EIF3F: variants seen among roughly 807,000 people sequenced by gnomAD.
EIF3F encodes the protein deubiquitinating enzyme eIF3f.
Under a neutral mutation model 36.0 loss-of-function variants are expected in EIF3F, and 8 were observed. The observed-to-expected ratio is 0.22, with a 90% CI of 0.13 to 0.40. The LOEUF is 0.40. Ranked by LOEUF, EIF3F falls within the 10% of genes least tolerant of loss-of-function variation. The pLI, the probability that EIF3F is intolerant of heterozygous loss-of-function variation, is 1.00. For synonymous variants in EIF3F, 184 were observed against 188.5 expected (o/e 0.98, Z 0.19); for missense variants, 430 against 467.6 (o/e 0.92, Z 0.74).
intron 6 of EIF3F, 46 bp from the exon 7 acceptor site, chr11:7,995,208 G>C: frequency 6.2e-7 from 1 of 1,606,848 alleles, no homozygotes; most frequent in Non-Finnish European, 8.5e-7. Flanking sequence ...GTAGGGCTCA[G>C]TGGTTATAAT....
In EIF3F at chr11:7,987,363, C is replaced by A. The variant is rs767716913; in HGVS notation, c.11C>A (p.Pro4Gln). The change falls in exon 1 of 8, where the codon CCG (proline) becomes CAG (glutamine). Residue 4 changes from proline (P) to glutamine (Q), a missense_variant. This residue lies in a region of EIF3F where 168 missense variants were observed against 120.2 expected (regional missense o/e 1.40). Coordinates refer to ENST00000651655, the MANE Select transcript of EIF3F (RefSeq NM_003754.3). Reference protein sequence around the residue: MATPAVPVSAPPAT... With the variant: MATQAVPVSAPPAT... Reference sequence around the variant, plus strand: ...TTCTTTCTCGACAAGATGGCCACACCGGCGGTACCAGTAAGTGCTCCTCCG... The same window carrying A: ...TTCTTTCTCGACAAGATGGCCACACAGGCGGTACCAGTAAGTGCTCCTCCG... 1.3e-6 allele frequency: 2 copies of A among 1,593,474 alleles called. No individual in the cohort carries two copies. Among genetic ancestry groups the A allele is most frequent in the Non-Finnish European group, 1.7e-6 (2 of 1,176,358 alleles).
rs1942108696 is a variant in EIF3F, at chr11:7,992,471, C to G, written c.515+308C>G. 5 of 439,062 alleles carry G rather than the reference C, an allele frequency of 1.1e-5. No individual in the cohort carries two copies. The South Asian group carries it at 1.2e-4, about 11-fold the overall frequency. The allele number at this position is 439,062 out of a possible 1,614,324, so 27.2% of individuals were successfully genotyped here. On this transcript the variant is annotated intron_variant, in intron 3 of 7. Transcript: ENST00000651655. ...CCTATAGTCCTAGCTATTCAGGAGG[C>G]TGAGGCTAGAGGATCACTTGAGGCC... is the stretch of plus-strand genomic sequence containing the variant.
intron 1 of EIF3F, among the ~76,000 whole-genome samples, chr11:7,991,160 A>G (rs374831397): frequency 4.6e-5 from 7 of 151,898 alleles, no homozygotes; most frequent in African/African-American, 1.7e-4. Context: ...GCACCACTGC[A>G]CTCTAGCCTG....
rs1316885950 is a variant in EIF3F at position 7,997,525 on chromosome 11, C to T, written c.*1503C>T. ...ACAAGTCCAAATAGATCAGTAATTACAATAAATGTATAAGTATTAAACTAG... is the reference window on the plus strand; with the variant it reads ...ACAAGTCCAAATAGATCAGTAATTATAATAAATGTATAAGTATTAAACTAG... On this transcript the variant is annotated 3_prime_UTR_variant, in exon 8 of 8. Coordinates refer to ENST00000651655, the MANE Select transcript of EIF3F (RefSeq NM_003754.3). 2 of 152,176 alleles carry T rather than the reference C, an allele frequency of 1.3e-5. No homozygotes were observed. Among genetic ancestry groups the T allele is most frequent in the South Asian group, 2.1e-4 (1 of 4,824 alleles). 9.4% of individuals were successfully genotyped at this position (152,176 alleles called of 1,614,324 possible).
At chr11:7,993,319 CATCACATG>C (rs1942119613) in intron 4 of EIF3F, among the ~76,000 whole-genome samples, 1 of 152,210 alleles carries the variant, frequency 6.6e-6, no homozygotes, top group African/African-American at 2.4e-5. Context: ...TACAGCCAAT[CATCACATG>C]GTATTCTTGT....
chr11:8,000,381 G>T lies in EIF3F; in HGVS notation c.*4359G>T, dbSNP rs61879579. 0.07 allele frequency: 10,623 copies of T among 152,086 alleles called. 436 individuals carry two copies. The highest frequency in any genetic ancestry group is 0.14 in the Middle Eastern group (40 of 294). 9.4% of individuals were successfully genotyped at this position (152,086 alleles called of 1,614,324 possible). The stretch of plus-strand genomic sequence containing the variant: ...GAACTCACAAGCAGAGTGTAGAAAG[G>T]TGGTTTCATGGACTGGAGGGAGGGG... On this transcript the variant is annotated 3_prime_UTR_variant, in exon 8 of 8. Coordinates refer to ENST00000651655, the MANE Select transcript of EIF3F (RefSeq NM_003754.3).
intron 1 of EIF3F, chr11:7,987,955 G>A (rs1448235633): frequency 1.9e-5 from 9 of 466,840 alleles, no homozygotes; most frequent in Non-Finnish European, 2.4e-5. Flanking sequence ...AAATACACAA[G>A]GAGTAGTTGT....
intron 4 of EIF3F, 50 bp downstream of exon 4, chr11:7,993,074 T>TCC: frequency 6.6e-7 from 1 of 1,509,600 alleles, no homozygotes; most frequent in Non-Finnish European, 8.9e-7. Flanking sequence ...CCAGATGCCA[T>TCC]CCCTCCCCCA....
At chr11:7,991,745 G>T (rs376581461) in intron 1 of EIF3F, 36 bp from the exon 2 acceptor site, 1 of 1,609,450 alleles carries the variant, frequency 6.2e-7, no homozygotes, top group African/African-American at 1.3e-5. Context: ...GGAGCCCTAG[G>T]ATTATATAAC....
chr11:7,988,139 C>T (rs972856692), intron 1 of EIF3F, among the ~76,000 whole-genome samples: 5 of 152,200 alleles, frequency 3.3e-5, no homozygotes, highest in African/African-American at 1.2e-4. Context: ...ACATATTTCT[C>T]CCTTATCCAC....
chr11:8,000,614 A>G lies in EIF3F; in HGVS notation c.*4592A>G, dbSNP rs1411345475. On this transcript the variant is annotated 3_prime_UTR_variant, in exon 8 of 8. Coordinates refer to ENST00000651655, the MANE Select transcript of EIF3F (RefSeq NM_003754.3). ...AATTTCGCAATGTGTACATATATCA[A>G]AACATCACATTGTACAAAATACATA... 6.6e-6 allele frequency: 1 copy of G among 152,226 alleles called. No individual in the cohort carries two copies. The highest frequency in any genetic ancestry group is 1.5e-5 in the Non-Finnish European group (1 of 68,032). The allele number at this position is 152,226 out of a possible 1,614,324, so 9.4% of individuals were successfully genotyped here. A position where few individuals can be genotyped will look rare whatever the true frequency, so the allele number is the denominator to read the frequency against.
intron 3 of EIF3F, chr11:7,992,646 T>TC: frequency 1.8e-6 from 1 of 545,152 alleles, no homozygotes; most frequent in Non-Finnish European, 3.3e-6. Context: ...GTGGTTCTGA[T>TC]CCTGTGGGGC....
rs1942168225 is a variant in EIF3F, at chr11:7,997,021, A to T, written c.*999A>T. 6.6e-6 allele frequency: 1 copy of T among 152,246 alleles called. No homozygotes were observed. The highest frequency in any genetic ancestry group is 1.5e-5 in the Non-Finnish European group (1 of 68,032). The allele number at this position is 152,246 out of a possible 1,614,324, so 9.4% of individuals were successfully genotyped here. The stretch of plus-strand genomic sequence containing the variant: ...ATATCACCTGGTATGTAGTAAGCAC[A>T]GATAAGTGGTAGATACTATGATGCC... On this transcript the variant is annotated 3_prime_UTR_variant, in exon 8 of 8. Transcript: ENST00000651655.
intron 1 of EIF3F, among the ~76,000 whole-genome samples, chr11:7,991,065 C>G (rs1206294682): frequency 1.3e-5 from 2 of 151,524 alleles, no homozygotes; most frequent in Non-Finnish European, 2.9e-5. Flanking sequence ...CGTGGTGATG[C>G]GCACCTGTAG....
chr11:7,993,048 G>T, intron 4 of EIF3F, 24 bp downstream of exon 4: 1 of 1,558,090 alleles, frequency 6.4e-7, no homozygotes, highest in Non-Finnish European at 8.7e-7. Context: ...TGGGCTACAA[G>T]GGCATAAAAC....
At chr11:7,994,315 C>T in intron 4 of EIF3F, 111 bp from the exon 5 acceptor site, 2 of 909,996 alleles carry the variant, frequency 2.2e-6, no homozygotes, top group Non-Finnish European at 3.3e-6. Flanking sequence ...CCCACCCTTT[C>T]TATCAGAACC....
chr11:7,989,050 C>T (rs1367710587), intron 1 of EIF3F, among the ~76,000 whole-genome samples: 2 of 152,164 alleles, frequency 1.3e-5, no homozygotes, highest in African/African-American at 4.8e-5. Context: ...GCTTTTCCTG[C>T]TGTCCTTCAT....
chr11:7,995,990 A>G lies in EIF3F; in HGVS notation c.1042A>G (p.Ile348Val). ...TYLANLTQSQ[I>V]ALNEKLVNL Reference sequence around the variant, plus strand: ...CCTGGCCAACCTCACACAGTCACAGATTGCACTCAATGAAAAACTTGTAAA... The same window carrying G: ...CCTGGCCAACCTCACACAGTCACAGGTTGCACTCAATGAAAAACTTGTAAA... The change falls in exon 8 of 8, where the codon ATT becomes GTT. Residue 348 changes from isoleucine (I) to valine (V), a missense_variant. This residue lies in a region of EIF3F where 262 missense variants were observed against 347.4 expected (regional missense o/e 0.75). Coordinates refer to ENST00000651655, the MANE Select transcript of EIF3F (RefSeq NM_003754.3). The G allele has an allele frequency of 6.2e-7, 1 of 1,613,908 alleles. No individual in the cohort carries two copies. Among genetic ancestry groups the G allele is most frequent in the South Asian group, 1.1e-5 (1 of 91,072 alleles).
chr11:7,994,111 C>A (rs1209626377), intron 4 of EIF3F, among the ~76,000 whole-genome samples: 1 of 152,118 alleles, frequency 6.6e-6, no homozygotes, highest in Non-Finnish European at 1.5e-5. Context: ...AGGTAGCTGT[C>A]TAGACAGCCA....
Sources: gnomAD v4.1 joint callset for allele counts (sites outside exome capture counted in the v4.1 genomes callset) on GRCh38, gnomAD v4.1.1 for gene constraint, gnomAD v4.1.1 regional missense constraint, MANE v1.5 for transcripts, NCBI Gene and HGNC (gene_info 2026-07-23, HGNC 2026-07-21) for gene names.